MYCBP2: variants seen among roughly 807,000 people sequenced by gnomAD.
MYCBP2 encodes E3 ubiquitin-protein ligase MYCBP2.
Under a neutral mutation model 525.3 loss-of-function variants are expected in MYCBP2, and 120 were observed. The ratio of observed to expected loss-of-function variants is 0.23; its 90% CI spans 0.20 to 0.27. The LOEUF is 0.27. Ranked by LOEUF, MYCBP2 falls within the 10% of genes least tolerant of loss-of-function variation. The probability of loss-of-function intolerance (pLI) is 1.00; values close to 1 mark genes in which losing one functional copy is unlikely to be tolerated. For missense variants in MYCBP2, 4,149 were observed against 5,657.1 expected (o/e 0.73, Z 8.55); for synonymous variants, 1,894 against 1,955.8 (o/e 0.97, Z 0.83).
In MYCBP2 at chr13:77,282,279, G is replaced by A. The variant is rs183738420; in HGVS notation, c.595-3368C>T. ...TACAAAATTAGCCAGGCATGGTGGC[G>A]CATGCCTGTAATCCCAGCTACTTGG... On this transcript the variant is annotated intron_variant, in intron 3 of 82. Transcript: ENST00000544440. Among the ~76,000 whole-genome samples, 714 of 152,000 alleles carry A rather than the reference G, an allele frequency of 4.7e-3. 3 individuals are homozygous for A. The highest frequency in any genetic ancestry group is 0.015 in the African/African-American group (620 of 41,460).
At chr13:77,275,771 G>A (rs2075477444) in intron 4 of MYCBP2, among the ~76,000 whole-genome samples, 2 of 152,172 alleles carry the variant, frequency 1.3e-5, no homozygotes, top group African/African-American at 4.8e-5. Context: ...ATCACCTGAG[G>A]TCAGGAGTTT....
rs2073703223 is a variant in MYCBP2 at position 77,263,917 on chromosome 13, C to G, written c.1431+12G>C. On this transcript the variant is annotated intron_variant, in intron 9 of 82. Transcript: ENST00000544440. ...CCATTTACACTAGCTACTTAAGATT[C>G]AGGATACTTACATCTCTTGAAGCAG... is the stretch of plus-strand genomic sequence containing the variant. The G allele has an allele frequency of 6.2e-7, 1 of 1,609,246 alleles. No homozygotes were observed. The highest frequency in any genetic ancestry group is 1.7e-5 in the Admixed American group (1 of 59,592).
chr13:77,217,964 TAAAAA>T lies in MYCBP2; in HGVS notation c.2940-12_2940-8del. On this transcript the variant is annotated splice_region_variant and splice_polypyrimidine_tract_variant and intron_variant, in intron 20 of 82. Coordinates refer to ENST00000544440, the MANE Select transcript of MYCBP2 (RefSeq NM_015057.5). ...AACAAGAGTGGGACATCCCCTAGGTTAAAAAAAAAAAAAGTAAGTCAATTTCTTAC... is the reference window on the plus strand; with the variant it reads ...AACAAGAGTGGGACATCCCCTAGGTTAAAAAAAAGTAAGTCAATTTCTTAC... The T allele has an allele frequency of 7.1e-7, 1 of 1,402,498 alleles. No homozygotes were observed. The highest frequency in any genetic ancestry group is 9.6e-7 in the Non-Finnish European group (1 of 1,036,382). 86.9% of individuals were successfully genotyped at this position (1,402,498 alleles called of 1,614,324 possible).
intron 54 of MYCBP2, among the ~76,000 whole-genome samples, chr13:77,122,515 C>T (rs1185037139): frequency 6.6e-6 from 1 of 151,838 alleles, no homozygotes; most frequent in African/African-American, 2.4e-5. Flanking sequence ...CGGTGAAACC[C>T]CTTCTGTACT....
At chr13:77,262,018 G>A (rs767632046) in intron 11 of MYCBP2, 35 bp downstream of exon 11, 19 of 1,532,832 alleles carry the variant, frequency 1.2e-5, no homozygotes, top group Non-Finnish European at 6.3e-6. Flanking sequence ...TTAAATCAGA[G>A]AATGCTCATT....
Position 77,081,866 on chromosome 13 carries a change from T to C in MYCBP2, c.11164A>G (p.Ile3722Val). 6.2e-7 allele frequency: 1 copy of C among 1,613,668 alleles called. No homozygotes were observed. Among genetic ancestry groups the C allele is most frequent in the Non-Finnish European group, 8.5e-7 (1 of 1,179,746 alleles). ...GDSEESFSIS[I>V]QSGFEAMSQE... ...CTCATAGCTTCAAAGCCAGACTGTA[T>C]ACTGATGCTAAAACTCTCTTCACTA... Residue 3722 changes from isoleucine to valine, a missense_variant, in exon 64 of 83, where the codon ATA becomes GTA. By Grantham distance (29) the Ile-to-Val change is conservative. Transcript: ENST00000544440. The surrounding 1 kb of genome is among the most constrained non-coding windows in gnomAD (Gnocchi z 4.6).
At chr13:77,101,937 G>A (rs768006366) in intron 55 of MYCBP2, among the ~76,000 whole-genome samples, 9 of 151,800 alleles carry the variant, frequency 5.9e-5, no homozygotes, top group African/African-American at 1.5e-4. Flanking sequence ...CAGACTATAC[G>A]TAATACTTTC....
chr13:77,103,404 T>C (rs531399009), intron 55 of MYCBP2: 2 of 394,756 alleles, frequency 5.1e-6, no homozygotes, highest in East Asian at 3.6e-5. Flanking sequence ...TTTCAAATGG[T>C]ATGCAAGTAT....
chr13:77,220,571 A>G lies in MYCBP2; in HGVS notation c.2940-2614T>C, dbSNP rs551653342. On this transcript the variant is annotated intron_variant, in intron 20 of 82. Transcript: ENST00000544440. Reference sequence around the variant, plus strand: ...ACAACACATTATTAATGTGTGCTATATAGTAAATTCCAGTTAACAGCTCTT... The same window carrying G: ...ACAACACATTATTAATGTGTGCTATGTAGTAAATTCCAGTTAACAGCTCTT... Among the ~76,000 whole-genome samples the G allele has an allele frequency of 6.2e-4, 94 of 152,304 alleles. No homozygotes were observed. In the Middle Eastern group the frequency reaches 0.01, roughly 17 times the overall value.
intron 32 of MYCBP2, among the ~76,000 whole-genome samples, chr13:77,183,700 C>T (rs962412048): frequency 1.3e-5 from 2 of 151,590 alleles, no homozygotes; most frequent in African/African-American, 4.8e-5. Flanking sequence ...TACAGCTGTG[C>T]ACCACCATGC....
intron 1 of MYCBP2, 53 bp from the exon 2 acceptor site, chr13:77,296,727 T>C: frequency 8.3e-6 from 10 of 1,197,988 alleles, no homozygotes; most frequent in Non-Finnish European, 1.1e-5. Flanking sequence ...TATTAGGACA[T>C]ACAAAGCTAT....
chr13:77,287,006 TCCC>T (rs2076918476), intron 3 of MYCBP2, among the ~76,000 whole-genome samples: 1 of 142,120 alleles, frequency 7.0e-6, no homozygotes, highest in Non-Finnish European at 1.5e-5. Context: ...TGCCTCAGCC[TCCC>T]GAGTAGCTGG....
At chr13:77,123,880 TTATGAA>T (rs1375681077) in intron 54 of MYCBP2, among the ~76,000 whole-genome samples, 1 of 152,196 alleles carries the variant, frequency 6.6e-6, no homozygotes, top group African/African-American at 2.4e-5. Context: ...GTTTAAAAAT[TTATGAA>T]TATGAAGTAA....
intron 23 of MYCBP2, among the ~76,000 whole-genome samples, chr13:77,210,109 G>C (rs1440577848): frequency 1.3e-5 from 2 of 152,088 alleles, no homozygotes; most frequent in Admixed American, 1.3e-4. Flanking sequence ...GTGATGGCAG[G>C]GTACACCTCC....
chr13:77,233,019 G>A (rs2067341909), intron 18 of MYCBP2, 137 bp downstream of exon 18: 5 of 620,644 alleles, frequency 8.1e-6, no homozygotes, highest in Non-Finnish European at 1.4e-5. Flanking sequence ...CTTTCAGAAT[G>A]TTCTTTCTCC....
rs1423647196 is a variant in MYCBP2 at position 77,095,392 on chromosome 13, T to C, written c.10165A>G (p.Lys3389Glu). The C allele has an allele frequency of 6.2e-7, 1 of 1,613,324 alleles. No individual in the cohort carries two copies. Among genetic ancestry groups the C allele is most frequent in the East Asian group, 2.2e-5 (1 of 44,814 alleles). ...GTCTGCAGGTAGAGACAAGGCATTT[T>C]CACAGGAAGATCCTCAGAAATGCCT... Reference protein sequence around the residue: ...KEGISEDLPVKMPCLYLQTLA... With the variant: ...KEGISEDLPVEMPCLYLQTLA... The change falls in exon 58 of 83, where the codon AAA becomes GAA. Residue 3389 changes from lysine (K) to glutamate (E), a missense_variant. Lys to Glu is a moderately conservative substitution (Grantham distance 56). This residue lies in a region of MYCBP2 where 509 missense variants were observed against 789.4 expected (regional missense o/e 0.64). Coordinates refer to ENST00000544440, the MANE Select transcript of MYCBP2 (RefSeq NM_015057.5).
chr13:77,232,815 G>T (rs1270658486), intron 18 of MYCBP2, among the ~76,000 whole-genome samples: 1 of 152,062 alleles, frequency 6.6e-6, no homozygotes, highest in Non-Finnish European at 1.5e-5. Flanking sequence ...TAAAAGGCCA[G>T]ATCACAGTCA....
rs866671825 is a variant in MYCBP2 at position 77,286,796 on chromosome 13, A to G, written c.594+1365T>C. Reference sequence around the variant, plus strand: ...AAAAAAAAAAAAAAAAAAAATATATATATATATATATATATATATATAGAC... The same window carrying G: ...AAAAAAAAAAAAAAAAAAAATATATGTATATATATATATATATATATAGAC... On this transcript the variant is annotated intron_variant, in intron 3 of 82. Transcript: ENST00000544440. Among the ~76,000 whole-genome samples, 137 of 112,112 alleles carry G rather than the reference A, an allele frequency of 1.2e-3. 3 individuals are homozygous for G. Among genetic ancestry groups the G allele is most frequent in the African/African-American group, 5.1e-3 (133 of 26,128 alleles). 73.5% of individuals were successfully genotyped at this position (112,112 alleles called of 152,430 possible).
At chr13:77,065,376 A>T (rs547806154) in intron 72 of MYCBP2, among the ~76,000 whole-genome samples, 2 of 152,308 alleles carry the variant, frequency 1.3e-5, no homozygotes, top group Admixed American at 6.5e-5. Context: ...TTTAAGGGGC[A>T]GTTCAATTCC....
Sources: gnomAD v4.1 joint callset for allele counts (sites outside exome capture counted in the v4.1 genomes callset) on GRCh38, gnomAD v4.1.1 for gene constraint, gnomAD v4.1.1 regional missense constraint, Gnocchi (gnomAD v3.1) non-coding constraint, MANE v1.5 for transcripts, NCBI Gene and HGNC (gene_info 2026-07-23, HGNC 2026-07-21) for gene names.